Variants in EPHA5 observed in about 807,000 individuals in gnomAD.
EPHA5 encodes EPH receptor A5.
Under a neutral mutation model 105.0 loss-of-function variants are expected in EPHA5, and 60 were observed. The observed-to-expected ratio is 0.57, with a 90% confidence interval of 0.46 to 0.71. The LOEUF (loss-of-function observed/expected upper bound fraction) is 0.71. EPHA5 is among the 30% of genes least tolerant of loss of function. The pLI is 0.00. For synonymous variants in EPHA5, 513 were observed against 449.1 expected (o/e 1.14, Z -1.80); for missense variants, 1,218 against 1,274.7 (o/e 0.96, Z 0.68).
chr4:65,360,035 T>C (rs534308026), intron 11 of EPHA5, among the ~76,000 whole-genome samples: 27 of 151,726 alleles, frequency 1.8e-4, no homozygotes, highest in South Asian at 1.7e-3. Flanking sequence ...CAAGTTCCCT[T>C]AGAGCATTGC....
intron 5 of EPHA5, among the ~76,000 whole-genome samples, chr4:65,443,475 T>C (rs1159164449): frequency 6.6e-6 from 1 of 151,856 alleles, no homozygotes; most frequent in Non-Finnish European, 1.5e-5. Context: ...TGACAATCAC[T>C]GAAAGAGGCA....
chr4:65,485,315 T>A (rs1162392122), intron 5 of EPHA5, among the ~76,000 whole-genome samples: 1 of 152,094 alleles, frequency 6.6e-6, no homozygotes, highest in Non-Finnish European at 1.5e-5. Flanking sequence ...TTATGTAACA[T>A]CTACTTTTTT....
chr4:65,351,271 T>C (rs1358276243), intron 13 of EPHA5, 118 bp downstream of exon 13: 2 of 906,252 alleles, frequency 2.2e-6, no homozygotes, highest in Non-Finnish European at 3.3e-6. Context: ...CTCCCCCTCA[T>C]TCTCTCTCTT....
rs185323592 is a variant in EPHA5 at position 65,418,090 on chromosome 4, T to C, written c.1527+2351A>G. ...CCTTATTGCATCTCAGATAGTCAAATATACAGTTTTTGGTGACTGGATGTT... is the reference window on the plus strand; with the variant it reads ...CCTTATTGCATCTCAGATAGTCAAACATACAGTTTTTGGTGACTGGATGTT... On this transcript the variant is annotated intron_variant, in intron 6 of 16. Transcript: ENST00000613740. Among the ~76,000 whole-genome samples, 70 of 152,276 alleles carry C rather than the reference T, an allele frequency of 4.6e-4. 1 individual carries two copies. The South Asian group carries it at 0.014, about 31-fold the overall frequency.
intron 5 of EPHA5, among the ~76,000 whole-genome samples, chr4:65,443,203 A>G (rs1250527890): frequency 6.6e-6 from 1 of 151,946 alleles, no homozygotes; most frequent in Admixed American, 6.6e-5. Context: ...TACTTCATAG[A>G]TGTTTCTGCT....
intron 2 of EPHA5, among the ~76,000 whole-genome samples, chr4:65,607,059 T>C (rs573221404): frequency 6.6e-6 from 1 of 152,266 alleles, no homozygotes; most frequent in African/African-American, 2.4e-5. Flanking sequence ...ATTTAAAATA[T>C]TTTTATATAT....
chr4:65,483,046 T>C (rs963910811), intron 5 of EPHA5, among the ~76,000 whole-genome samples: 2 of 152,086 alleles, frequency 1.3e-5, no homozygotes, highest in South Asian at 2.1e-4. Flanking sequence ...GGGTGTGATG[T>C]TCCCCATCCT....
At chr4:65,368,887 T>C (rs1718182697) in intron 8 of EPHA5, among the ~76,000 whole-genome samples, 1 of 152,198 alleles carries the variant, frequency 6.6e-6, no homozygotes, top group Non-Finnish European at 1.5e-5. Flanking sequence ...GAGGATTTTC[T>C]TCCTAACAAT....
At chr4:65,379,166 A>T (rs894008303) in intron 8 of EPHA5, among the ~76,000 whole-genome samples, 2 of 151,922 alleles carry the variant, frequency 1.3e-5, no homozygotes, top group Non-Finnish European at 1.5e-5. Context: ...ACACTTGGTC[A>T]GTGAAATAAA....
At chr4:65,331,138 C>A in intron 16 of EPHA5, 1 of 1,034,032 alleles carries the variant, frequency 9.7e-7, no homozygotes, top group African/African-American at 1.7e-5. Flanking sequence ...ATATTTTAAC[C>A]TTTGAATTGG....
At chr4:65,532,671 G>GT (rs5858965) in intron 3 of EPHA5, among the ~76,000 whole-genome samples, 1,375 of 107,644 alleles carry the variant, frequency 0.013, 29 homozygotes, top group African/African-American at 0.04. Flanking sequence ...ATTGGTTACA[G>GT]TTTTTTTTTT....
chr4:65,404,320 AAGGTGAGGAAGAGATC>A (rs1722142485), intron 8 of EPHA5, 38 bp downstream of exon 8: 1 of 1,474,600 alleles, frequency 6.8e-7, no homozygotes, highest in Admixed American at 1.7e-5. Context: ...TGGTCAGATC[AAGGTGAGGAAGAGATC>A]AGCTGCAGAA....
chr4:65,542,049 CAA>C (rs1431482163), intron 3 of EPHA5, among the ~76,000 whole-genome samples: 1 of 151,754 alleles, frequency 6.6e-6, no homozygotes, highest in Non-Finnish European at 1.5e-5. Flanking sequence ...CCAAAGAGAA[CAA>C]AGAGATAATG....
intron 3 of EPHA5, among the ~76,000 whole-genome samples, chr4:65,512,212 A>G (rs983845858): frequency 3.3e-5 from 5 of 152,190 alleles, no homozygotes; most frequent in African/African-American, 1.2e-4. Context: ...TTGGGTAAAA[A>G]TGCACCAAAT....
chr4:65,463,487 G>T (rs1429369873), intron 5 of EPHA5, among the ~76,000 whole-genome samples: 13 of 152,062 alleles, frequency 8.5e-5, no homozygotes, highest in Admixed American at 8.5e-4. Context: ...CAAAGTAATA[G>T]AAAACTCTTT....
intron 1 of EPHA5, among the ~76,000 whole-genome samples, chr4:65,651,937 C>T (rs1748645801): frequency 6.6e-6 from 1 of 152,108 alleles, no homozygotes; most frequent in Admixed American, 6.5e-5. Context: ...TAAATTATGA[C>T]TAATGAGCAG....
chr4:65,664,963 A>G (rs1749842541), intron 1 of EPHA5, among the ~76,000 whole-genome samples: 1 of 152,004 alleles, frequency 6.6e-6, no homozygotes, highest in South Asian at 2.1e-4. Flanking sequence ...ATAATCTTTA[A>G]GTAGGTACCC....
chr4:65,356,903 C>T (rs7676535), intron 11 of EPHA5, among the ~76,000 whole-genome samples: 125,987 of 151,258 alleles, frequency 0.83, 53,216 homozygotes, highest in East Asian at 0.97. Flanking sequence ...ACTGTATAAA[C>T]CATATTCCAT....
intron 8 of EPHA5, among the ~76,000 whole-genome samples, chr4:65,380,451 T>A (rs755793558): frequency 6.6e-6 from 1 of 151,690 alleles, no homozygotes; most frequent in Non-Finnish European, 1.5e-5. Context: ...CTCCTTCCTA[T>A]GGAAGCAAGG....
Sources: allele counts gnomAD v4.1 joint callset (sites outside exome capture counted in the v4.1 genomes callset), GRCh38; gene constraint gnomAD v4.1.1; transcripts MANE v1.5; gene names NCBI Gene and HGNC (gene_info 2026-07-23, HGNC 2026-07-21).